APOB: variants seen among roughly 807,000 people sequenced by gnomAD.
APOB encodes apolipoprotein B-100.
Under a neutral mutation model 314.1 loss-of-function variants are expected in APOB, and 153 were observed. That is an observed-to-expected ratio of 0.49 (90% confidence interval 0.43 to 0.56). The LOEUF (loss-of-function observed/expected upper bound fraction) is 0.56. Among genes scored for constraint, APOB ranks in the 20% least tolerant of loss-of-function variants. The probability of loss-of-function intolerance (pLI) is 0.00; values close to 1 mark genes in which losing one functional copy is unlikely to be tolerated. For missense variants in APOB, 5,430 were observed against 5,350.7 expected, an observed-to-expected ratio of 1.01 and a Z score of -0.46; for synonymous variants, 2,087 against 2,036.4, an observed-to-expected ratio of 1.02 and a Z score of -0.67.
At position 21,032,278 on chromosome 2, in the gene APOB, G is replaced by A. The variant is rs968645823; in HGVS notation, c.1352+76C>T. On this transcript the variant is annotated intron_variant, in intron 10 of 28. Coordinates refer to ENST00000233242, the MANE Select transcript of APOB (RefSeq NM_000384.3). ...GTTTGAAAGTGGAAGGAGGGGTTCA[G>A]TTTTAATACAGAGATGCACAGAGGT... 2.9e-6 allele frequency: 4 copies of A among 1,365,906 alleles called. 1 individual carries two copies. In the South Asian group the frequency reaches 3.5e-5, roughly 12 times the overall value. The allele number at this position is 1,365,906 out of a possible 1,614,324, so 84.6% of individuals were successfully genotyped here. A position where few individuals can be genotyped will look rare whatever the true frequency, so the allele number is the denominator to read the frequency against.
At position 21,003,296 on chromosome 2, in the gene APOB, C is replaced by A. The variant is rs1663043306; in HGVS notation, c.12126G>T (p.Glu4042Asp). ...CCTCATCAGATTCCCGGACCCTCAA[C>A]TCAGTTTTGAATATGGTGAGTTTTT... Reference protein sequence around the residue: ...PDKKLTIFKTELRVRESDEET... With the variant: ...PDKKLTIFKTDLRVRESDEET... Residue 4042 changes from glutamate to aspartate, a missense_variant, in exon 29 of 29, where the codon GAG (glutamate) becomes GAT (aspartate). By Grantham distance (45) the Glu-to-Asp change is conservative. Around this residue, in one of 3 missense-constraint regions of APOB, gnomAD observed 3,281 missense variants for 3,171.0 expected, o/e 1.03. Coordinates refer to ENST00000233242, the MANE Select transcript of APOB (RefSeq NM_000384.3). 9 of 1,613,380 alleles carry A rather than the reference C, an allele frequency of 5.6e-6. No individual in the cohort carries two copies. Among genetic ancestry groups the A allele is most frequent in the African/African-American group, 1.3e-5 (1 of 74,758 alleles).
Position 21,005,893 on chromosome 2 carries a change from G to C in APOB, c.10975C>G (p.Leu3659Val). 1.9e-6 allele frequency: 3 copies of C among 1,613,996 alleles called. No individual in the cohort carries two copies. The highest frequency in any genetic ancestry group is 1.3e-5 in the African/African-American group (1 of 75,028). ...CCTTCTAAGGATCCTGCAATGTCAA[G>C]GTGTGCCTTTTCTTGGTCATTGGAA... ...ELSNDQEKAH[L>V]DIAGSLEGHL... is the part of the protein sequence containing the mutation. Residue 3659 changes from leucine (L) to valine (V), a missense_variant, in exon 26 of 29, where the codon CTT (leucine) becomes GTT (valine). Leu to Val is a conservative substitution (Grantham distance 32). This residue lies in a region of APOB where 3,281 missense variants were observed against 3,171.0 expected (regional missense o/e 1.03). Transcript: ENST00000233242.
At position 21,010,245 on chromosome 2, in the gene APOB, T is replaced by G; in HGVS notation, c.6623A>C (p.Lys2208Thr). Residue 2208 changes from lysine to threonine, a missense_variant, in exon 26 of 29, where the codon AAA becomes ACA. Physicochemically the swap from Lys to Thr is moderately conservative, Grantham distance 78. This residue lies in a region of APOB where 3,281 missense variants were observed against 3,171.0 expected (regional missense o/e 1.03). Transcript: ENST00000233242. ...IANIIDEIIE[K>T]LKSLDEHYHI... ...ATAGTGCTCATCAAGACTTTTTAAT[T>G]TTTCAATGATTTCATCAATAATATT... The G allele has an allele frequency of 6.4e-7, 1 of 1,557,622 alleles. No individual in the cohort carries two copies. Among genetic ancestry groups the G allele is most frequent in the Non-Finnish European group, 8.7e-7 (1 of 1,153,748 alleles).
intron 16 of APOB, chr2:21,024,499 G>T (rs967181212): frequency 3.5e-6 from 1 of 283,268 alleles, no homozygotes; most frequent in African/African-American, 2.3e-5. Flanking sequence ...CACGTCCACA[G>T]TCCCAGCTAC....
chr2:21,018,152 C>A (rs1663521636), intron 20 of APOB, among the ~76,000 whole-genome samples: 1 of 152,188 alleles, frequency 6.6e-6, no homozygotes, highest in Admixed American at 6.5e-5. Context: ...TCAGCCTAAT[C>A]TTCAAAATAT....
In APOB at chr2:21,010,849, C is replaced by T. The variant is rs145424390; in HGVS notation, c.6019G>A (p.Val2007Met). Residue 2007 changes from valine to methionine, a missense_variant, in exon 26 of 29, where the codon GTG becomes ATG. By Grantham distance (21) the Val-to-Met change is conservative (BLOSUM62 1). Coordinates refer to ENST00000233242, the MANE Select transcript of APOB (RefSeq NM_000384.3). ...GCCAGAGTTCGTCCAGTAAGCTCCACGCCAATTTTATCTTTAGTGTTGTAA... is the reference window on the plus strand; with the variant it reads ...GCCAGAGTTCGTCCAGTAAGCTCCATGCCAATTTTATCTTTAGTGTTGTAA... ...DAYNTKDKIG[V>M]ELTGRTLADL... 77 of 1,614,100 alleles carry T rather than the reference C, an allele frequency of 4.8e-5. 1 individual carries two copies. Among genetic ancestry groups the T allele is most frequent in the South Asian group, 2.0e-4 (18 of 91,084 alleles).
Position 21,002,179 on chromosome 2 carries a change from A to G in APOB, c.13243T>C (p.Leu4415=), listed in dbSNP as rs770929330. ...GAATGGAAGTCCTTAAGAGCAACTAACAGGTTCTTGATCAGACTGACTATC... is the reference window on the plus strand; with the variant it reads ...GAATGGAAGTCCTTAAGAGCAACTAGCAGGTTCTTGATCAGACTGACTATC... ...EKIVSLIKNL[L]VALKDFHSEY... is the part of the protein sequence containing the mutation. Residue 4415 remains leucine (L), a synonymous_variant, in exon 29 of 29, where the codon TTA becomes CTA. Coordinates refer to ENST00000233242, the MANE Select transcript of APOB (RefSeq NM_000384.3). 17 of 1,613,868 alleles carry G rather than the reference A, an allele frequency of 1.1e-5. No homozygotes were observed. Among genetic ancestry groups the G allele is most frequent in the South Asian group, 6.6e-5 (6 of 91,080 alleles).
At chr2:21,013,674 T>C in intron 24 of APOB, 141 bp from the exon 25 acceptor site, 2 of 1,191,810 alleles carry the variant, frequency 1.7e-6, no homozygotes, top group Non-Finnish European at 2.5e-6. Flanking sequence ...CTCCTATGCC[T>C]GGACCCCTTT....
chr2:21,004,517 G>A (rs762588749), intron 27 of APOB, 44 bp downstream of exon 27: 1 of 1,612,114 alleles, frequency 6.2e-7, no homozygotes, highest in Non-Finnish European at 8.5e-7. Flanking sequence ...ATCACAATGA[G>A]TTTTCAAAAG....
At chr2:21,033,206 A>T in intron 9 of APOB, 93 bp downstream of exon 9, 1 of 937,706 alleles carries the variant, frequency 1.1e-6, no homozygotes, top group Middle Eastern at 2.1e-4. Context: ...TTGATATCCA[A>T]ATGGTCCCTG....
Position 21,006,538 on chromosome 2 carries a change from G to C in APOB, c.10330C>G (p.Leu3444Val). 6.2e-7 allele frequency: 1 copy of C among 1,614,082 alleles called. No homozygotes were observed. The highest frequency in any genetic ancestry group is 8.5e-7 in the Non-Finnish European group (1 of 1,179,962). Residue 3444 changes from leucine (L) to valine (V), a missense_variant, in exon 26 of 29, where the codon CTT (leucine) becomes GTT (valine). This residue lies in a region of APOB where 3,281 missense variants were observed against 3,171.0 expected (regional missense o/e 1.03). Transcript: ENST00000233242. ...GGTTTTGACTTGGTATTTCCATTAA[G>C]TTCTTGCTTGAAATTCATTCTCAAA... is the stretch of plus-strand genomic sequence containing the variant. ...PILRMNFKQE[L>V]NGNTKSKPTV...
Position 21,037,269 on chromosome 2 carries a change from A to G in APOB, c.538-14T>C. 6.2e-7 allele frequency: 1 copy of G among 1,613,374 alleles called. No homozygotes were observed. ...ATACACGGTATCCTATGGAGGAAGA[A>G]GATGCAACCACATGTATTCAACACG... On this transcript the variant is annotated splice_polypyrimidine_tract_variant and intron_variant, in intron 5 of 28. Coordinates refer to ENST00000233242, the MANE Select transcript of APOB (RefSeq NM_000384.3).
Position 21,043,879 on chromosome 2 carries a change from C to CCAGCAGCAG in APOB, c.58_66dup (p.Leu20_Leu22dup), listed in dbSNP as rs745520533. ...GCGCACTCACCGGCCCTGGCGCCCG[C>CCAGCAGCAG]CAGCAGCAGCAGCAGCAGCGCAGGC... On this transcript the variant is annotated inframe_insertion, in exon 1 of 29. Transcript: ENST00000233242. 1.4e-6 allele frequency: 2 copies of CCAGCAGCAG among 1,416,434 alleles called. No individual in the cohort carries two copies. The highest frequency in any genetic ancestry group is 9.4e-7 in the Non-Finnish European group (1 of 1,064,744). 87.7% of individuals were successfully genotyped at this position (1,416,434 alleles called of 1,614,324 possible).
At position 21,007,514 on chromosome 2, in the gene APOB, A is replaced by AT; in HGVS notation, c.9353dup (p.Asn3118LysfsTer17). ...TTAAGAAATCCAGATTTGCTTCTCC[A>AT]TTTATTCCTACATGGGCCTCCATAA... On this transcript the variant is annotated frameshift_variant, in exon 26 of 29. Coordinates refer to ENST00000233242, the MANE Select transcript of APOB (RefSeq NM_000384.3). LOFTEE classifies it high-confidence loss of function. 1 of 1,614,098 alleles carries AT rather than the reference A, an allele frequency of 6.2e-7. No individual in the cohort carries two copies. Among genetic ancestry groups the AT allele is most frequent in the Non-Finnish European group, 8.5e-7 (1 of 1,179,972 alleles).
intron 5 of APOB, among the ~76,000 whole-genome samples, chr2:21,037,488 C>T (rs889525601): frequency 8.5e-5 from 13 of 152,174 alleles, no homozygotes; most frequent in African/African-American, 9.7e-5. Flanking sequence ...CAGGTTGCAT[C>T]GGTGTCTTCT....
chr2:21,016,840 C>T lies in APOB; in HGVS notation c.3122-191G>A, dbSNP rs187182863. ...TCTACTAAAAATACAAAAAATTAGCCGGGCGCGTTGGTGGGTGCCTGTAGT... is the reference window on the plus strand; with the variant it reads ...TCTACTAAAAATACAAAAAATTAGCTGGGCGCGTTGGTGGGTGCCTGTAGT... On this transcript the variant is annotated intron_variant, in intron 20 of 28. Transcript: ENST00000233242. Among the ~76,000 whole-genome samples the T allele has an allele frequency of 7.4e-4, 113 of 151,984 alleles. 1 individual carries two copies. In the East Asian group the frequency reaches 0.018, roughly 24 times the overall value.
Position 21,026,945 on chromosome 2 carries a change from C to T in APOB, c.2087G>A (p.Gly696Asp). 8 of 1,614,154 alleles carry T rather than the reference C, an allele frequency of 5.0e-6. No homozygotes were observed. Among genetic ancestry groups the T allele is most frequent in the Non-Finnish European group, 6.8e-6 (8 of 1,180,016 alleles). ...DLIEIGLEGK[G>D]FEPTLEALFG... ...AAGAGCTTCCAATGTTGGCTCAAAG[C>T]CTTTTCCTTCCAAGCCAATCTGAGA... The change falls in exon 15 of 29, where the codon GGC becomes GAC. Residue 696 changes from glycine to aspartate, a missense_variant. Around this residue, in one of 3 missense-constraint regions of APOB, gnomAD observed 2,085 missense variants for 2,079.7 expected, o/e 1.00. Coordinates refer to ENST00000233242, the MANE Select transcript of APOB (RefSeq NM_000384.3).
chr2:21,028,836 T>C (rs918456540), intron 12 of APOB, among the ~76,000 whole-genome samples: 1 of 152,216 alleles, frequency 6.6e-6, no homozygotes, highest in Non-Finnish European at 1.5e-5. Context: ...TCAAGTTGTT[T>C]TAACGTAAGT....
rs780369435 is a variant in APOB, at chr2:21,014,552, A to C, written c.3738T>G (p.Pro1246=). The change falls in exon 24 of 29, where the codon CCT becomes CCG. Residue 1246 remains proline, a synonymous_variant. Coordinates refer to ENST00000233242, the MANE Select transcript of APOB (RefSeq NM_000384.3). ...GGTGGTCTTGCAAAGTCTGGGTATA[A>C]GGAAGACTCCCAGATGCCTTCTGAA... ...SWLQKASGSL[P]YTQTLQDHLN... 1.1e-5 allele frequency: 17 copies of C among 1,613,934 alleles called. No individual in the cohort carries two copies. Among genetic ancestry groups the C allele is most frequent in the Admixed American group, 6.7e-5 (4 of 59,998 alleles).
Sources: gnomAD v4.1 joint callset for allele counts (sites outside exome capture counted in the v4.1 genomes callset) on GRCh38, gnomAD v4.1.1 for gene constraint, gnomAD v4.1.1 regional missense constraint, MANE v1.5 for transcripts, NCBI Gene and HGNC (gene_info 2026-07-23, HGNC 2026-07-21) for gene names.